The following CFAP161 variants were observed in gnomAD, a reference collection of about 807,000 sequenced individuals.
CFAP161 encodes the protein cilia- and flagella-associated protein 161.
A neutral mutation model predicts 29.0 loss-of-function variants in CFAP161; 25 were observed. That is an observed-to-expected ratio of 0.86 (90% CI 0.63 to 1.20). The LOEUF (loss-of-function observed/expected upper bound fraction) is 1.20, where lower values mean the gene tolerates loss of function less well. CFAP161 is among the 50% of genes most tolerant of loss of function. The pLI is 0.00. For missense variants in CFAP161, 367 were observed against 371.9 expected (o/e 0.99, Z 0.11); for synonymous variants, 116 against 137.4 (o/e 0.84, Z 1.09).
At chr15:81,136,102 T>A (rs1372970537) in intron 2 of CFAP161, among the ~76,000 whole-genome samples, 1 of 152,238 alleles carries the variant, frequency 6.6e-6, no homozygotes, top group African/African-American at 2.4e-5. Context: ...AAATAACAGT[T>A]TTTAAAAACA....
upstream of CFAP161, among the ~76,000 whole-genome samples, chr15:81,133,202 TATATATATATATATATATATATG>T (rs1411579787): frequency 2.7e-4 from 18 of 67,254 alleles, 1 homozygote; most frequent in Non-Finnish European, 4.2e-4. Context: ...TATATATATA[TATATATATATATATATATATATG>T]TATTTTTTTT....
chr15:81,148,317 A>G (rs759922318), intron 6 of CFAP161, 21 bp from the exon 7 acceptor site: 17 of 1,594,460 alleles, frequency 1.1e-5, no homozygotes, highest in Admixed American at 5.0e-5. Flanking sequence ...TCAAACCACA[A>G]CTGATTCTCT....
chr15:81,135,595 C>T (rs886808779), intron 2 of CFAP161, among the ~76,000 whole-genome samples: 1 of 149,954 alleles, frequency 6.7e-6, no homozygotes, highest in Non-Finnish European at 1.5e-5. Context: ...CAATTCCCAC[C>T]TATGAGTGAG....
At chr15:81,122,595 G>C (rs568056659) in intron 1 of CFAP161, among the ~76,000 whole-genome samples, 1 of 151,236 alleles carries the variant, frequency 6.6e-6, no homozygotes, top group African/African-American at 2.4e-5. Context: ...AGGTTCAAGC[G>C]ATTCACCTGC....
intron 1 of CFAP161, among the ~76,000 whole-genome samples, chr15:81,112,406 G>C (rs748265788): frequency 1.3e-5 from 2 of 151,912 alleles, no homozygotes; most frequent in South Asian, 2.1e-4. Flanking sequence ...GTAATGAAAG[G>C]CTCCAATTAA....
upstream of CFAP161, among the ~76,000 whole-genome samples, chr15:81,131,683 G>C (rs564197286): frequency 6.6e-6 from 1 of 152,232 alleles, no homozygotes; most frequent in East Asian, 1.9e-4. Flanking sequence ...CATCTTGGAG[G>C]AATGCAGGAT....
At chr15:81,128,305 CTT>C (rs1894666291) in intron 2 of CFAP161, among the ~76,000 whole-genome samples, 1 of 152,220 alleles carries the variant, frequency 6.6e-6, no homozygotes, top group Non-Finnish European at 1.5e-5. Context: ...GGTAGAACTT[CTT>C]CTGAAATTGG....
At position 81,148,287 on chromosome 15, in the gene CFAP161, T is replaced by C. The variant is rs771567477; in HGVS notation, c.711-51T>C. 9 of 1,487,260 alleles carry C rather than the reference T, an allele frequency of 6.1e-6. No individual in the cohort carries two copies. In the Admixed American group the frequency reaches 1.0e-4, roughly 17 times the overall value. 92.1% of individuals were successfully genotyped at this position (1,487,260 alleles called of 1,614,324 possible). ...AGATTAAATTATTAATAACAGCTTA[T>C]TGAGAGTTGTTATTCAATTTCAAAC... is the stretch of plus-strand genomic sequence containing the variant. On this transcript the variant is annotated intron_variant, in intron 6 of 6. Coordinates refer to ENST00000286732, the MANE Select transcript of CFAP161 (RefSeq NM_173528.4).
intron 3 of CFAP161, among the ~76,000 whole-genome samples, chr15:81,137,289 G>A (rs1259066325): frequency 6.6e-6 from 1 of 152,146 alleles, no homozygotes; most frequent in Non-Finnish European, 1.5e-5. Flanking sequence ...AGCAATGTAA[G>A]CATTGCAAGA....
chr15:81,119,862 C>A (rs1036291521), intron 1 of CFAP161, among the ~76,000 whole-genome samples: 1 of 151,840 alleles, frequency 6.6e-6, no homozygotes, highest in East Asian at 1.9e-4. Flanking sequence ...TCAACACCAG[C>A]CTGGGCAACA....
intron 1 of CFAP161, among the ~76,000 whole-genome samples, chr15:81,099,922 A>G (rs976385905): frequency 2.0e-5 from 3 of 151,936 alleles, no homozygotes; most frequent in Admixed American, 6.5e-5. Flanking sequence ...TTTTTTCCCT[A>G]TATTTATACA....
intron 1 of CFAP161, among the ~76,000 whole-genome samples, chr15:81,111,784 T>C (rs1490671730): frequency 1.3e-5 from 2 of 152,220 alleles, no homozygotes; most frequent in African/African-American, 4.8e-5. Flanking sequence ...CATGTCCAAA[T>C]CCTATTCATC....
At chr15:81,122,075 A>C (rs557730180) in intron 1 of CFAP161, among the ~76,000 whole-genome samples, 20 of 152,212 alleles carry the variant, frequency 1.3e-4, no homozygotes, top group Admixed American at 1.2e-3. Flanking sequence ...ATAGTATTCC[A>C]TTGTGTGTAT....
intron 4 of CFAP161, among the ~76,000 whole-genome samples, chr15:81,138,387 A>G (rs1219496216): frequency 1.3e-5 from 2 of 152,238 alleles, no homozygotes; most frequent in South Asian, 2.1e-4. Context: ...TTCACAATGC[A>G]GCTGGCAAAA....
At chr15:81,118,507 C>T (rs942093167) in intron 1 of CFAP161, among the ~76,000 whole-genome samples, 7 of 152,248 alleles carry the variant, frequency 4.6e-5, no homozygotes, top group African/African-American at 1.7e-4. Flanking sequence ...CGGGGCCGCC[C>T]TCAGCGGGAA....
chr15:81,118,663 C>G (rs921218857), intron 1 of CFAP161, among the ~76,000 whole-genome samples: 2 of 152,262 alleles, frequency 1.3e-5, no homozygotes, highest in Non-Finnish European at 2.9e-5. Context: ...CACGCAGCCG[C>G]GCCCCACGAG....
chr15:81,118,214 G>A lies in CFAP161; in HGVS notation c.-141-9376G>A, dbSNP rs191579136. On this transcript the variant is annotated intron_variant, in intron 1 of 4. Transcript: ENST00000560091. ...AATTTTTTCAATTTAGGCAGCTTGG[G>A]GAGATTTGAAATTGAAATCAAACCT... 309 of 488,650 alleles carry A rather than the reference G, an allele frequency of 6.3e-4. 1 individual carries two copies. The highest frequency in any genetic ancestry group is 5.6e-3 in the African/African-American group (278 of 49,560). The allele number at this position is 488,650 out of a possible 1,614,324, so 30.3% of individuals were successfully genotyped here.
At chr15:81,142,298 T>TTTA (rs1351634815) in intron 4 of CFAP161, among the ~76,000 whole-genome samples, 17 of 151,784 alleles carry the variant, frequency 1.1e-4, no homozygotes, top group South Asian at 2.1e-4. Flanking sequence ...ATTTTTAAAA[T>TTTA]TTATTATTAT....
chr15:81,130,567 G>A (rs982498829), upstream of CFAP161, among the ~76,000 whole-genome samples: 1 of 152,316 alleles, frequency 6.6e-6, no homozygotes, highest in African/African-American at 2.4e-5. Flanking sequence ...GGGTGTGGTG[G>A]CATGCGCCTG....
Sources: allele counts gnomAD v4.1 joint callset (sites outside exome capture counted in the v4.1 genomes callset), GRCh38; gene constraint gnomAD v4.1.1; transcripts MANE v1.5; gene names NCBI Gene and HGNC (gene_info 2026-07-23, HGNC 2026-07-21).